The following MYO5B variants were observed in gnomAD, a reference collection of about 807,000 sequenced individuals.
MYO5B encodes myosin VB.
Under a neutral mutation model 229.3 loss-of-function variants are expected in MYO5B, and 143 were observed. The ratio of observed to expected loss-of-function variants is 0.62; its 90% CI spans 0.54 to 0.72. MYO5B has a LOEUF of 0.72. Ranked by LOEUF, MYO5B falls within the 30% of genes least tolerant of loss-of-function variation. The pLI is 0.00. For missense variants in MYO5B, 2,321 were observed against 2,331.0 expected, an observed-to-expected ratio of 1.00 and a Z score of 0.09; for synonymous variants, 918 against 885.2, an observed-to-expected ratio of 1.04 and a Z score of -0.66.
chr18:50,134,516 T>C (rs1047657722), intron 1 of MYO5B, among the ~76,000 whole-genome samples: 15 of 151,298 alleles, frequency 9.9e-5, no homozygotes, highest in Admixed American at 6.6e-4. Flanking sequence ...GATCGCGCCA[T>C]TGCACTCCAG....
At chr18:50,158,859 T>G (rs2032721982) in intron 1 of MYO5B, among the ~76,000 whole-genome samples, 1 of 152,154 alleles carries the variant, frequency 6.6e-6, no homozygotes, top group Non-Finnish European at 1.5e-5. Flanking sequence ...CATCTGATGA[T>G]GGGGTAAGAA....
At chr18:49,973,245 T>C (rs2025710202) in intron 10 of MYO5B, among the ~76,000 whole-genome samples, 1 of 152,124 alleles carries the variant, frequency 6.6e-6, no homozygotes. Flanking sequence ...TCTTTCTCCA[T>C]AGCATGCAAC....
At chr18:50,003,053 A>G (rs1186256521) in intron 4 of MYO5B, among the ~76,000 whole-genome samples, 4 of 152,156 alleles carry the variant, frequency 2.6e-5, no homozygotes, top group Admixed American at 1.3e-4. Flanking sequence ...GAATGGTCCA[A>G]TTAGAGACGG....
chr18:50,051,113 T>C (rs995291890), intron 2 of MYO5B, among the ~76,000 whole-genome samples: 2 of 152,232 alleles, frequency 1.3e-5, no homozygotes, highest in African/African-American at 4.8e-5. Context: ...AGAAACTGAA[T>C]AGAATTGCAA....
At chr18:49,973,266 T>C (rs1042114083) in intron 10 of MYO5B, among the ~76,000 whole-genome samples, 5 of 152,132 alleles carry the variant, frequency 3.3e-5, no homozygotes, top group African/African-American at 1.2e-4. Flanking sequence ...ATAGTTCAAT[T>C]TGAAACCCAG....
intron 4 of MYO5B, among the ~76,000 whole-genome samples, chr18:50,034,857 A>G (rs547593996): frequency 6.6e-6 from 1 of 152,226 alleles, no homozygotes; most frequent in East Asian, 1.9e-4. Context: ...AAATTGCAGA[A>G]GAACTTCAGC....
chr18:50,081,234 A>T (rs2031212669), intron 1 of MYO5B, among the ~76,000 whole-genome samples: 1 of 152,270 alleles, frequency 6.6e-6, no homozygotes, highest in South Asian at 2.1e-4. Context: ...AGAATGAATT[A>T]TCTCCTAAAG....
chr18:49,998,910 G>A (rs755226315), intron 5 of MYO5B, among the ~76,000 whole-genome samples: 1 of 152,234 alleles, frequency 6.6e-6, no homozygotes, highest in East Asian at 1.9e-4. Context: ...AAAAATTCTG[G>A]AAATAGATGG....
At chr18:50,077,826 AC>A (rs1362159365) in intron 1 of MYO5B, among the ~76,000 whole-genome samples, 2 of 152,130 alleles carry the variant, frequency 1.3e-5, no homozygotes, top group African/African-American at 4.8e-5. Context: ...GGGACAAGAC[AC>A]CCTCTTCACC....
chr18:49,928,511 G>A (rs2025154542), intron 17 of MYO5B, among the ~76,000 whole-genome samples: 1 of 152,160 alleles, frequency 6.6e-6, no homozygotes, highest in African/African-American at 2.4e-5. Context: ...AGATGTGGTG[G>A]TGCACACCTG....
At chr18:49,858,459 C>T (rs1053454134) in intron 29 of MYO5B, among the ~76,000 whole-genome samples, 1 of 152,216 alleles carries the variant, frequency 6.6e-6, no homozygotes, top group African/African-American at 2.4e-5. Context: ...GACACTGACT[C>T]CTGCGCCAGG....
intron 4 of MYO5B, among the ~76,000 whole-genome samples, chr18:50,011,340 C>T (rs2026158443): frequency 1.3e-5 from 2 of 152,180 alleles, no homozygotes; most frequent in South Asian, 2.1e-4. Context: ...TTCCTCACTT[C>T]TCCAGGTGGC....
intron 4 of MYO5B, among the ~76,000 whole-genome samples, chr18:50,017,128 G>GT (rs1476073254): frequency 2.0e-5 from 3 of 151,794 alleles, no homozygotes; most frequent in Non-Finnish European, 4.4e-5. Context: ...TTTTCATTTT[G>GT]TTTTTTTGAG....
rs1045325466 is a variant in MYO5B, at chr18:50,129,358, T to G, written c.27+65409A>C. The stretch of plus-strand genomic sequence containing the variant: ...TCAACAGACAAGCTTCTGCCCTATA[T>G]TAATTGTCATGCCACCAATGTAACT... On this transcript the variant is annotated intron_variant, in intron 1 of 39. Coordinates refer to ENST00000285039, the MANE Select transcript of MYO5B (RefSeq NM_001080467.3). Among the ~76,000 whole-genome samples, 11 of 152,356 alleles carry G rather than the reference T, an allele frequency of 7.2e-5. No individual in the cohort carries two copies. In the East Asian group the frequency reaches 2.1e-3, roughly 29 times the overall value.
intron 1 of MYO5B, among the ~76,000 whole-genome samples, chr18:50,188,785 TAAAAAAAAAAAAAAAA>T (rs4042094): frequency 3.8e-5 from 4 of 105,140 alleles, no homozygotes; most frequent in Admixed American, 9.6e-5. Flanking sequence ...GACTCTGTCA[TAAAAAAAAAAAAAAAA>T]AAAAAAAAAA....
chr18:49,918,040 G>A (rs771641025), intron 17 of MYO5B, among the ~76,000 whole-genome samples: 4 of 152,220 alleles, frequency 2.6e-5, no homozygotes, highest in Non-Finnish European at 5.9e-5. Flanking sequence ...ATGTTTCCTT[G>A]TAATGAGCTC....
chr18:49,963,706 G>A (rs540260325), intron 10 of MYO5B, among the ~76,000 whole-genome samples: 2 of 152,262 alleles, frequency 1.3e-5, no homozygotes, highest in South Asian at 2.1e-4. Flanking sequence ...GGGACTACAG[G>A]CATGAGCCAC....
intron 1 of MYO5B, among the ~76,000 whole-genome samples, chr18:50,141,869 C>T (rs549213714): frequency 6.6e-6 from 1 of 152,282 alleles, no homozygotes; most frequent in South Asian, 2.1e-4. Flanking sequence ...CCCTGCCTCA[C>T]CTCTCTCTAA....
rs1007785124 is a variant in MYO5B, at chr18:50,160,275, G to A, written c.27+34492C>T. On this transcript the variant is annotated intron_variant, in intron 1 of 39. Transcript: ENST00000285039. ...TTTTCTTAATGTTCTGCTGTCATCT[G>A]CAGAGGGCAAGGCTGTGGAGCAGAC... Among the ~76,000 whole-genome samples the A allele has an allele frequency of 4.6e-5, 7 of 152,238 alleles. No individual in the cohort carries two copies. The South Asian group carries it at 1.4e-3, about 32-fold the overall frequency.
Sources: gnomAD v4.1 joint callset for allele counts (sites outside exome capture counted in the v4.1 genomes callset) on GRCh38, gnomAD v4.1.1 for gene constraint, MANE v1.5 for transcripts, NCBI Gene and HGNC (gene_info 2026-07-23, HGNC 2026-07-21) for gene names.